CYREN: variants seen among roughly 807,000 people sequenced by gnomAD.
CYREN encodes cell cycle regulator of non-homologous end joining.
Under a neutral mutation model 9.7 loss-of-function variants are expected in CYREN, and 7 were observed. The ratio of observed to expected loss-of-function variants is 0.72; its 90% CI spans 0.41 to 1.36. The LOEUF is 1.36. Among genes scored for constraint, CYREN ranks in the 40% most tolerant of loss-of-function variants. The probability of loss-of-function intolerance (pLI) is 0.01; values close to 1 mark genes in which losing one functional copy is unlikely to be tolerated. For missense variants in CYREN, 215 were observed against 198.1 expected (o/e 1.09, Z -0.51); for synonymous variants, 76 against 77.9 (o/e 0.98, Z 0.13).
intron 2 of CYREN, among the ~76,000 whole-genome samples, chr7:135,148,501 T>C (rs1214174309): frequency 2.0e-5 from 3 of 152,208 alleles, no homozygotes; most frequent in African/African-American, 7.2e-5. Context: ...TGTGTAGCTC[T>C]GGCCTCAAAG....
chr7:135,128,735 G>T (rs1168122225), intron 2 of CYREN: 8 of 1,385,496 alleles, frequency 5.8e-6, no homozygotes, highest in Admixed American at 5.3e-5. Flanking sequence ...GTGCAGAGAA[G>T]GACAGCTCAA....
chr7:135,141,669 T>C (rs548362529), intron 2 of CYREN, among the ~76,000 whole-genome samples: 14 of 152,040 alleles, frequency 9.2e-5, no homozygotes, highest in Non-Finnish European at 1.9e-4. Context: ...GATCTTTCTT[T>C]TGGATGTTGG....
At chr7:135,147,392 A>C (rs1829567626) in intron 2 of CYREN, among the ~76,000 whole-genome samples, 1 of 152,232 alleles carries the variant, frequency 6.6e-6, no homozygotes, top group African/African-American at 2.4e-5. Flanking sequence ...TGAAGGATTC[A>C]GCAATAGCAC....
chr7:135,100,422 T>C (rs1219561634), intron 2 of CYREN, among the ~76,000 whole-genome samples: 2 of 152,196 alleles, frequency 1.3e-5, no homozygotes, highest in African/African-American at 2.4e-5. Flanking sequence ...TTGGCAAGTT[T>C]CCCCTTACTT....
intron 2 of CYREN, among the ~76,000 whole-genome samples, chr7:135,118,270 T>C (rs887445317): frequency 2.6e-5 from 4 of 152,214 alleles, no homozygotes; most frequent in Non-Finnish European, 4.4e-5. Flanking sequence ...CCAATCCTCA[T>C]TGAGTGCATT....
rs1333816530 is a variant in CYREN at position 135,125,625 on chromosome 7, C to T, written n.357-31043G>A. Among the ~76,000 whole-genome samples the T allele has an allele frequency of 1.3e-5, 2 of 152,150 alleles. 1 individual carries two copies. The highest frequency in any genetic ancestry group is 1.3e-4 in the Admixed American group (2 of 15,284). On this transcript the variant is annotated intron_variant and non_coding_transcript_variant, in intron 2 of 2. Coordinates refer to the CYREN transcript ENST00000459937. ...ACTTCAGACCAATATTCCTGATGAA[C>T]ATCAATACGAAAATCCTCAATAAAA...
intron 2 of CYREN, among the ~76,000 whole-genome samples, chr7:135,147,368 C>T (rs1441060211): frequency 1.3e-5 from 2 of 152,098 alleles, no homozygotes; most frequent in East Asian, 3.9e-4. Context: ...GGCAAGGAAG[C>T]AGAAGAGAAC....
At chr7:135,159,077 T>C (rs1585352562) in intron 2 of CYREN, among the ~76,000 whole-genome samples, 1 of 152,166 alleles carries the variant, frequency 6.6e-6, no homozygotes, top group East Asian at 1.9e-4. Flanking sequence ...TCTTACTGTT[T>C]CCCCACATCA....
intron 2 of CYREN, among the ~76,000 whole-genome samples, chr7:135,143,907 C>T (rs1044528464): frequency 6.6e-6 from 1 of 152,194 alleles, no homozygotes; most frequent in Non-Finnish European, 1.5e-5. Context: ...CACTCCTTCC[C>T]TTCCCCCATG....
At chr7:135,166,994 T>C in intron 3 of CYREN, 123 bp from the exon 4 acceptor site, 1 of 1,509,572 alleles carries the variant, frequency 6.6e-7, no homozygotes, top group Non-Finnish European at 8.8e-7. Flanking sequence ...GGCCAGGCAA[T>C]GTACCCATAT....
upstream of CYREN, among the ~76,000 whole-genome samples, chr7:135,171,313 T>TA (rs201266584): frequency 8.5e-6 from 1 of 117,546 alleles, no homozygotes. Context: ...GTACCTGTTT[T>TA]TTTTTTTTTT....
intron 2 of CYREN, among the ~76,000 whole-genome samples, chr7:135,138,195 G>A (rs899188372): frequency 1.3e-5 from 2 of 151,724 alleles, no homozygotes; most frequent in African/African-American, 4.8e-5. Flanking sequence ...AAATTCTTTA[G>A]AAAGGATGAA....
intron 2 of CYREN, among the ~76,000 whole-genome samples, chr7:135,096,584 C>T (rs4035026): frequency 2.3e-5 from 2 of 88,816 alleles, no homozygotes; most frequent in African/African-American, 7.9e-5. Flanking sequence ...TAGATAGATA[C>T]ATAGATAGAT....
Position 135,165,999 on chromosome 7 carries a change from TAGCAGCTTGCGGG to T in CYREN, c.*599_*611del, listed in dbSNP as rs1830106323. ...GACCAAGGTACAGGTGAAAGCAAGG[TAGCAGCTTGCGGG>T]AGGAGGCCTGTCTGGCTTACCAGTC... On this transcript the variant is annotated 3_prime_UTR_variant, in exon 4 of 4. Transcript: ENST00000393114. 1.3e-5 allele frequency: 2 copies of T among 155,772 alleles called. 1 individual carries two copies. Among genetic ancestry groups the T allele is most frequent in the South Asian group, 4.2e-4 (2 of 4,818 alleles). 9.6% of individuals were successfully genotyped at this position (155,772 alleles called of 1,614,324 possible).
At chr7:135,142,812 T>C (rs909861908) in intron 2 of CYREN, among the ~76,000 whole-genome samples, 3 of 151,980 alleles carry the variant, frequency 2.0e-5, no homozygotes, top group Non-Finnish European at 2.9e-5. Flanking sequence ...AAAAAAAAAC[T>C]ACTAAAGAAT....
In CYREN at chr7:135,105,085, T is replaced by TTC. The variant is rs1824464267; in HGVS notation, n.357-10504_357-10503insGA. On this transcript the variant is annotated intron_variant and non_coding_transcript_variant, in intron 2 of 2. Transcript: ENST00000459937. ...TTACATTCAAGTTTTTTTTTTTTTTTTTGAGATGGAGTCTTGCTCTTTCAC... is the reference window on the plus strand; with the variant it reads ...TTACATTCAAGTTTTTTTTTTTTTTTTCTTGAGATGGAGTCTTGCTCTTTCAC... 4.0e-5 allele frequency among the ~76,000 whole-genome samples: 6 copies of TTC among 151,004 alleles called. No homozygotes were observed. The South Asian group carries it at 1.0e-3, about 26-fold the overall frequency.
At chr7:135,106,847 A>AT (rs1174799753) in intron 2 of CYREN, among the ~76,000 whole-genome samples, 1 of 151,866 alleles carries the variant, frequency 6.6e-6, no homozygotes, top group Non-Finnish European at 1.5e-5. Context: ...TTGTCCTGGG[A>AT]TTTTTTTGGA....
At chr7:135,094,813 GTTGT>G (rs1822409438) in intron 2 of CYREN, among the ~76,000 whole-genome samples, 1 of 152,182 alleles carries the variant, frequency 6.6e-6, no homozygotes, top group Admixed American at 6.5e-5. Context: ...GATTACATAA[GTTGT>G]TTGTCAGATT....
intron 2 of CYREN, among the ~76,000 whole-genome samples, chr7:135,105,518 A>G (rs190981309): frequency 1.8e-4 from 28 of 152,224 alleles, no homozygotes; most frequent in African/African-American, 6.7e-4. Flanking sequence ...TTTTTGTCAG[A>G]TTTGTAGAAG....
Sources: allele counts gnomAD v4.1 joint callset (sites outside exome capture counted in the v4.1 genomes callset), GRCh38; gene constraint gnomAD v4.1.1; transcripts MANE v1.5; gene names NCBI Gene and HGNC (gene_info 2026-07-23, HGNC 2026-07-21).